Variants in NRG1 observed in about 807,000 individuals in gnomAD.
NRG1 encodes neuregulin 1.
Under a neutral mutation model 63.8 loss-of-function variants are expected in NRG1, and 18 were observed. The ratio of observed to expected loss-of-function variants is 0.28; its 90% CI spans 0.19 to 0.42. The LOEUF is 0.42. NRG1 is among the 10% of genes least tolerant of loss of function. The pLI is 1.00. For synonymous variants in NRG1, 302 were observed against 301.3 expected (o/e 1.00, Z -0.02); for missense variants, 762 against 814.7 (o/e 0.94, Z 0.79).
chr8:31,987,720 T>G (rs1174591363), intron 1 of NRG1, among the ~76,000 whole-genome samples: 1 of 151,728 alleles, frequency 6.6e-6, no homozygotes, highest in Non-Finnish European at 1.5e-5. Flanking sequence ...GTAACAAACC[T>G]GCACATGTGC....
At chr8:32,222,534 T>C (rs1845927643) in intron 1 of NRG1, among the ~76,000 whole-genome samples, 1 of 152,170 alleles carries the variant, frequency 6.6e-6, no homozygotes, top group Non-Finnish European at 1.5e-5. Flanking sequence ...CCACTATAAA[T>C]CCTGTTTTCT....
At chr8:31,752,599 T>C (rs1478485255) in intron 1 of NRG1, among the ~76,000 whole-genome samples, 1 of 152,022 alleles carries the variant, frequency 6.6e-6, no homozygotes, top group Non-Finnish European at 1.5e-5. Context: ...GAGATATATT[T>C]TGAAGTCACA....
chr8:32,405,295 C>A (rs767810643), intron 1 of NRG1, among the ~76,000 whole-genome samples: 1 of 152,224 alleles, frequency 6.6e-6, no homozygotes, highest in Non-Finnish European at 1.5e-5. Context: ...AATTAAAGGA[C>A]TTGCAGATTA....
At chr8:32,209,734 C>T (rs1193191686) in intron 1 of NRG1, among the ~76,000 whole-genome samples, 1 of 127,186 alleles carries the variant, frequency 7.9e-6, no homozygotes, top group Non-Finnish European at 1.7e-5. Flanking sequence ...TCCTTCCTTC[C>T]TTCCTTCCTT....
rs1436561811 is a variant in NRG1, at chr8:32,129,766, A to C, written c.38-466062A>C. Among the ~76,000 whole-genome samples the C allele has an allele frequency of 5.3e-5, 8 of 152,068 alleles. No individual in the cohort carries two copies. The East Asian group carries it at 1.2e-3, about 22-fold the overall frequency. On this transcript the variant is annotated intron_variant, in intron 1 of 10. Transcript: ENST00000519301. ...ATCAACGTGCTTGCTTAAATAAGGC[A>C]TGTGTATAATATATATGCATGCATC...
intron 1 of NRG1, among the ~76,000 whole-genome samples, chr8:32,173,513 G>A (rs937160577): frequency 1.3e-5 from 2 of 152,010 alleles, no homozygotes; most frequent in Admixed American, 6.6e-5. Context: ...ATGTAAATGG[G>A]CTAAATGCTC....
chr8:32,591,929 C>T (rs922073407), intron 1 of NRG1, among the ~76,000 whole-genome samples: 1 of 151,846 alleles, frequency 6.6e-6, no homozygotes, highest in Non-Finnish European at 1.5e-5. Context: ...ACATGTACCC[C>T]CTGCACCTAA....
intron 1 of NRG1, among the ~76,000 whole-genome samples, chr8:31,883,385 T>C (rs553456253): frequency 4.2e-4 from 64 of 152,248 alleles, no homozygotes; most frequent in African/African-American, 1.3e-3. Flanking sequence ...TCAGGTGACT[T>C]GCTTTATTAT....
chr8:32,030,640 G>T (rs1296601256), intron 1 of NRG1, among the ~76,000 whole-genome samples: 2 of 152,070 alleles, frequency 1.3e-5, no homozygotes, highest in Non-Finnish European at 2.9e-5. Flanking sequence ...CGTTGGGGAT[G>T]ATCATATGCA....
chr8:32,247,916 G>A (rs1848740922), intron 1 of NRG1, among the ~76,000 whole-genome samples: 1 of 151,978 alleles, frequency 6.6e-6, no homozygotes, highest in Non-Finnish European at 1.5e-5. Flanking sequence ...TTAAACAGAG[G>A]CAAAATTAAA....
intron 1 of NRG1, among the ~76,000 whole-genome samples, chr8:31,969,579 A>G (rs1177912655): frequency 6.6e-6 from 1 of 152,120 alleles, no homozygotes; most frequent in African/African-American, 2.4e-5. Flanking sequence ...GGTTCTGATC[A>G]CTGTAGAGAA....
intron 1 of NRG1, among the ~76,000 whole-genome samples, chr8:31,763,889 G>A (rs935990330): frequency 6.6e-6 from 1 of 151,750 alleles, no homozygotes; most frequent in Non-Finnish European, 1.5e-5. Flanking sequence ...GGCAGAGCTT[G>A]CAGTGAGCCA....
At chr8:31,698,403 C>T (rs566495197) in intron 1 of NRG1, among the ~76,000 whole-genome samples, 2 of 152,132 alleles carry the variant, frequency 1.3e-5, no homozygotes, top group Admixed American at 6.5e-5. Flanking sequence ...TATGTCCTTT[C>T]ACTTGGAAAT....
intron 1 of NRG1, among the ~76,000 whole-genome samples, chr8:31,747,413 GAC>G (rs371308998): frequency 4.2e-4 from 64 of 152,038 alleles, no homozygotes; most frequent in African/African-American, 1.5e-3. Flanking sequence ...ATAAGCAAGA[GAC>G]ACACAGTCTC....
At chr8:32,069,732 A>G (rs1434710792) in intron 1 of NRG1, among the ~76,000 whole-genome samples, 1 of 152,158 alleles carries the variant, frequency 6.6e-6, no homozygotes, top group African/African-American at 2.4e-5. Flanking sequence ...TATGATAGAA[A>G]GCAAGGGTAC....
At chr8:32,382,318 T>C (rs2129483410) in intron 1 of NRG1, among the ~76,000 whole-genome samples, 2 of 152,340 alleles carry the variant, frequency 1.3e-5, no homozygotes, top group Middle Eastern at 3.4e-3. Flanking sequence ...TATAATCGTT[T>C]ATAATTTTTC....
At chr8:31,793,099 T>C (rs1192531537) in intron 1 of NRG1, among the ~76,000 whole-genome samples, 1 of 152,218 alleles carries the variant, frequency 6.6e-6, no homozygotes, top group African/African-American at 2.4e-5. Flanking sequence ...CTAGCACTCA[T>C]AGCAGATTAT....
chr8:32,112,787 G>A (rs1832202362), intron 1 of NRG1, among the ~76,000 whole-genome samples: 1 of 152,086 alleles, frequency 6.6e-6, no homozygotes, highest in African/African-American at 2.4e-5. Flanking sequence ...CTGCTTTTTA[G>A]TACTGCTTGG....
At chr8:32,402,069 G>A (rs745927345) in intron 1 of NRG1, among the ~76,000 whole-genome samples, 5 of 152,106 alleles carry the variant, frequency 3.3e-5, no homozygotes, top group East Asian at 1.9e-4. Context: ...CTACCACAAC[G>A]CCAGGCTAAT....
Sources: gnomAD v4.1 joint callset for allele counts (sites outside exome capture counted in the v4.1 genomes callset) on GRCh38, gnomAD v4.1.1 for gene constraint, MANE v1.5 for transcripts, NCBI Gene and HGNC (gene_info 2026-07-23, HGNC 2026-07-21) for gene names.